Variants in MARCHF6 observed in about 807,000 individuals in gnomAD.
MARCHF6 encodes the protein E3 ubiquitin-protein ligase MARCHF6.
In MARCHF6, 31 loss-of-function variants were observed where a neutral mutation model predicts 133.7. The ratio of observed to expected loss-of-function variants is 0.23; its 90% CI spans 0.17 to 0.31. The LOEUF (loss-of-function observed/expected upper bound fraction) is 0.31. Ranked by LOEUF, MARCHF6 falls within the 10% of genes least tolerant of loss-of-function variation. The pLI is 1.00. For missense variants in MARCHF6, 723 were observed against 1,121.6 expected (o/e 0.64, Z 5.08); for synonymous variants, 395 against 402.5 (o/e 0.98, Z 0.22).
chr5:10,406,238 T>C (rs2126775169), intron 16 of MARCHF6, among the ~76,000 whole-genome samples: 1 of 152,330 alleles, frequency 6.6e-6, no homozygotes, highest in Non-Finnish European at 1.5e-5. Flanking sequence ...ACCACTGGTA[T>C]GATTGATTGC....
intron 24 of MARCHF6, among the ~76,000 whole-genome samples, chr5:10,428,390 G>A (rs1202218042): frequency 2.9e-5 from 4 of 137,284 alleles, no homozygotes; most frequent in African/African-American, 8.6e-5. Context: ...TGCCCAGGCT[G>A]GAGTACAGTG....
Position 10,439,116 on chromosome 5 carries a change from G to T in MARCHF6, c.*5432G>T, listed in dbSNP as rs1342058344. 6.6e-6 allele frequency: 1 copy of T among 152,166 alleles called. No individual in the cohort carries two copies. The highest frequency in any genetic ancestry group is 6.5e-5 in the Admixed American group (1 of 15,276). The allele number at this position is 152,166 out of a possible 1,614,324, so 9.4% of individuals were successfully genotyped here. A position where few individuals can be genotyped will look rare whatever the true frequency, so the allele number is the denominator to read the frequency against. On this transcript the variant is annotated 3_prime_UTR_variant, in exon 26 of 26. Coordinates refer to ENST00000274140, the MANE Select transcript of MARCHF6 (RefSeq NM_005885.4). The stretch of plus-strand genomic sequence containing the variant: ...ATTCACTCATATGTTTTTGGGATCA[G>T]TCCCTTCTGCTGGCTGTGCATTGGT...
chr5:10,391,421 C>G (rs577882951), intron 6 of MARCHF6, 121 bp from the exon 7 acceptor site: 1 of 700,732 alleles, frequency 1.4e-6, no homozygotes, highest in Admixed American at 3.3e-5. Context: ...GCATGAGCCA[C>G]TACACCTGGC....
intron 1 of MARCHF6, among the ~76,000 whole-genome samples, chr5:10,365,994 G>A (rs966036151): frequency 7.9e-5 from 12 of 151,702 alleles, no homozygotes; most frequent in African/African-American, 1.7e-4. Flanking sequence ...ATGCAGTCAC[G>A]CAATTTCGGT....
chr5:10,386,854 T>C (rs1737510148), intron 4 of MARCHF6, 140 bp from the exon 5 acceptor site: 1 of 597,968 alleles, frequency 1.7e-6, no homozygotes, highest in Admixed American at 2.7e-5. Context: ...AATTTAATAT[T>C]TTGAGACTTA....
At chr5:10,379,843 C>T (rs1447745674) in intron 3 of MARCHF6, among the ~76,000 whole-genome samples, 1 of 152,116 alleles carries the variant, frequency 6.6e-6, no homozygotes, top group Admixed American at 6.6e-5. Context: ...TGGCCTCAAG[C>T]AATTCTCCTG....
intron 25 of MARCHF6, among the ~76,000 whole-genome samples, chr5:10,430,815 ACT>A (rs376963268): frequency 5.5e-4 from 83 of 152,144 alleles, no homozygotes; most frequent in African/African-American, 1.8e-3. Context: ...ATGTTGTGGG[ACT>A]CTCTGTTTTG....
Position 10,435,555 on chromosome 5 carries a change from C to T in MARCHF6, c.*1871C>T, listed in dbSNP as rs1740564391. The T allele has an allele frequency of 7.1e-6, 1 of 140,852 alleles. No individual in the cohort carries two copies. The highest frequency in any genetic ancestry group is 1.5e-5 in the Non-Finnish European group (1 of 65,370). The allele number at this position is 140,852 out of a possible 1,614,324, so 8.7% of individuals were successfully genotyped here. ...ATTAGGATTTTAAAATATAATGCTG[C>T]CTGTCATAGTGTATTTCTAAATTGC... On this transcript the variant is annotated 3_prime_UTR_variant, in exon 26 of 26. Coordinates refer to ENST00000274140, the MANE Select transcript of MARCHF6 (RefSeq NM_005885.4).
At chr5:10,354,127 G>A (rs1735287258) in intron 1 of MARCHF6, 1 of 360,474 alleles carries the variant, frequency 2.8e-6, no homozygotes, top group Admixed American at 4.9e-5. Flanking sequence ...CGAGGGGGGC[G>A]GGGACCCTGC....
In MARCHF6 at chr5:10,370,401, C is replaced by T. The variant is rs574127992; in HGVS notation, c.20-7397C>T. Among the ~76,000 whole-genome samples the T allele has an allele frequency of 2.0e-5, 3 of 151,868 alleles. No homozygotes were observed. In the East Asian group the frequency reaches 5.8e-4, roughly 29 times the overall value. On this transcript the variant is annotated intron_variant, in intron 1 of 25. Coordinates refer to ENST00000274140, the MANE Select transcript of MARCHF6 (RefSeq NM_005885.4). ...TACAAGTGTGAGCTGCCATATCTGG[C>T]GTTACTGTGATTTTTATTAAAAAAT...
intron 5 of MARCHF6, among the ~76,000 whole-genome samples, chr5:10,389,460 G>C (rs1157540594): frequency 6.6e-6 from 1 of 151,374 alleles, no homozygotes; most frequent in Non-Finnish European, 1.5e-5. Context: ...GGAGTGCGGT[G>C]GCTCAATCTT....
intron 1 of MARCHF6, among the ~76,000 whole-genome samples, chr5:10,375,207 G>C (rs533289408): frequency 2.6e-4 from 40 of 152,354 alleles, no homozygotes; most frequent in African/African-American, 9.4e-4. Flanking sequence ...TTGCGGGCCA[G>C]CTGGAGTTCC....
intron 9 of MARCHF6, among the ~76,000 whole-genome samples, chr5:10,395,043 C>G (rs1561125468): frequency 6.6e-6 from 1 of 152,168 alleles, no homozygotes. Flanking sequence ...TCGTGATCTG[C>G]CCGCCTCGGC....
At chr5:10,356,343 A>ATTTAT (rs56348470) in intron 1 of MARCHF6, among the ~76,000 whole-genome samples, 30,961 of 101,040 alleles carry the variant, frequency 0.31, 6,853 homozygotes, top group Middle Eastern at 0.44. Flanking sequence ...TCTGTTTTTT[A>ATTTAT]TTTATTTTAT....
chr5:10,382,836 C>T (rs1447938413), intron 4 of MARCHF6, among the ~76,000 whole-genome samples: 1 of 151,970 alleles, frequency 6.6e-6, no homozygotes, highest in African/African-American at 2.4e-5. Flanking sequence ...CAATAAAATA[C>T]AAATAAAATT....
At position 10,406,979 on chromosome 5, in the gene MARCHF6, G is replaced by A. The variant is rs78231887; in HGVS notation, c.1453-123G>A. On this transcript the variant is annotated intron_variant, in intron 16 of 25. Coordinates refer to ENST00000274140, the MANE Select transcript of MARCHF6 (RefSeq NM_005885.4). ...AAAGATAATGTGTAGAGTGGGAACC[G>A]CTTGGGCTTTGAGTAGACACAGGCC... is the stretch of plus-strand genomic sequence containing the variant. 2,097 of 508,178 alleles carry A rather than the reference G, an allele frequency of 4.1e-3. 18 individuals carry two copies. In the Middle Eastern group the frequency reaches 0.044, roughly 11 times the overall value. 31.5% of individuals were successfully genotyped at this position (508,178 alleles called of 1,614,324 possible).
chr5:10,382,059 G>A (rs769257953), intron 4 of MARCHF6, 116 bp downstream of exon 4: 3 of 1,095,188 alleles, frequency 2.7e-6, no homozygotes, highest in Non-Finnish European at 4.0e-6. Flanking sequence ...TGATGTCAGA[G>A]TGTCATGTAT....
intron 24 of MARCHF6, among the ~76,000 whole-genome samples, chr5:10,428,372 C>T (rs1206072078): frequency 8.9e-5 from 11 of 123,012 alleles, no homozygotes; most frequent in African/African-American, 9.6e-5. Flanking sequence ...GACGGAGTCT[C>T]GCTCTTTTGC....
intron 9 of MARCHF6, among the ~76,000 whole-genome samples, chr5:10,396,064 A>G (rs1380623327): frequency 1.3e-5 from 2 of 152,204 alleles, no homozygotes; most frequent in Admixed American, 6.5e-5. Flanking sequence ...ATTATTGGAA[A>G]AACCTTCGAC....
Sources: allele counts gnomAD v4.1 joint callset (sites outside exome capture counted in the v4.1 genomes callset), GRCh38; gene constraint gnomAD v4.1.1; transcripts MANE v1.5; gene names NCBI Gene and HGNC (gene_info 2026-07-23, HGNC 2026-07-21).